The following UCKL1 variants were observed in gnomAD, a reference collection of about 807,000 sequenced individuals.
UCKL1 encodes the protein uridine-cytidine kinase-like 1.
Under a neutral mutation model 59.2 loss-of-function variants are expected in UCKL1, and 65 were observed. That is an observed-to-expected ratio of 1.10 (90% CI 0.90 to 1.35). The LOEUF (loss-of-function observed/expected upper bound fraction) is 1.35, where lower values mean the gene tolerates loss of function less well. Ranked by LOEUF, UCKL1 falls within the 40% of genes most tolerant of loss-of-function variation. The pLI, the probability that UCKL1 is intolerant of heterozygous loss-of-function variation, is 0.00. For synonymous variants in UCKL1, 410 were observed against 323.1 expected (o/e 1.27, Z -2.88); for missense variants, 703 against 784.3 (o/e 0.90, Z 1.24).
chr20:63,940,501 G>T lies in UCKL1; in HGVS notation c.1303-16C>A, dbSNP rs1205903611. The T allele has an allele frequency of 5.6e-6, 9 of 1,608,360 alleles. No individual in the cohort carries two copies. The highest frequency in any genetic ancestry group is 1.7e-5 in the Admixed American group (1 of 59,762). Reference sequence around the variant, plus strand: ...GGTAGTGGAGCTGCGGGCAGCAGGGGTCAGGCTGCAGGTGGGGCTCCCTGC... The same window carrying T: ...GGTAGTGGAGCTGCGGGCAGCAGGGTTCAGGCTGCAGGTGGGGCTCCCTGC... On this transcript the variant is annotated splice_polypyrimidine_tract_variant and intron_variant, in intron 12 of 14. Transcript: ENST00000354216.
intron 1 of UCKL1, chr20:63,950,772 C>T: frequency 6.5e-7 from 1 of 1,538,770 alleles, no homozygotes; most frequent in African/African-American, 1.4e-5. Flanking sequence ...CCTTCTGCTC[C>T]AAGGGCCCGG....
chr20:63,950,967 C>A (rs765059331), intron 1 of UCKL1: 20 of 1,306,208 alleles, frequency 1.5e-5, no homozygotes, highest in Admixed American at 3.8e-5. Context: ...GGAGCTCCGG[C>A]CACCTGAACT....
chr20:63,951,841 C>T (rs569191919), intron 1 of UCKL1, among the ~76,000 whole-genome samples: 6 of 152,286 alleles, frequency 3.9e-5, no homozygotes, highest in African/African-American at 7.2e-5. Flanking sequence ...CCCCACCCTC[C>T]GCAGAGTCAG....
At chr20:63,955,430 CG>C (rs2058428870) in intron 1 of UCKL1, 1 of 152,358 alleles carries the variant, frequency 6.6e-6, no homozygotes, top group South Asian at 2.1e-4. Context: ...GACCCTGTGC[CG>C]GGACACCCTT....
At chr20:63,953,870 G>A (rs2058102059) in intron 1 of UCKL1, 1 of 152,626 alleles carries the variant, frequency 6.6e-6, no homozygotes, top group Non-Finnish European at 1.5e-5. Flanking sequence ...CACACAGGGA[G>A]AAAGGAAGGC....
chr20:63,947,681 G>A (rs1019295272), intron 1 of UCKL1, among the ~76,000 whole-genome samples: 32 of 152,224 alleles, frequency 2.1e-4, no homozygotes, highest in Non-Finnish European at 8.8e-5. Context: ...CCCCTCCTGG[G>A]TCCCCAAGAC....
At position 63,940,470 on chromosome 20, in the gene UCKL1, G is replaced by A. The variant is rs2146341144; in HGVS notation, c.1318C>T (p.Leu440=). The change falls in exon 13 of 15, where the codon CTG becomes TTG. Residue 440 remains leucine, a synonymous_variant. Transcript: ENST00000354216. ...TGGTCATCGCTGATGTCCTTGGGCA[G>A]CCTCAGGTAGTGGAGCTGCGGGCAG... is the stretch of plus-strand genomic sequence containing the variant. The part of the protein sequence containing the change: ...TGEPELHYLR[L]PKDISDDHVI... 2.5e-6 allele frequency: 4 copies of A among 1,611,784 alleles called. No individual in the cohort carries two copies. Among genetic ancestry groups the A allele is most frequent in the Non-Finnish European group, 3.4e-6 (4 of 1,179,672 alleles).
chr20:63,943,264 G>C (rs1200491966), intron 8 of UCKL1, among the ~76,000 whole-genome samples: 2 of 152,210 alleles, frequency 1.3e-5, no homozygotes, highest in African/African-American at 4.8e-5. Flanking sequence ...CGTGAGGCTG[G>C]GCACAGGAGG....
At chr20:63,943,764 G>A in intron 7 of UCKL1, 95 bp from the exon 8 acceptor site, 2 of 1,575,152 alleles carry the variant, frequency 1.3e-6, no homozygotes, top group Non-Finnish European at 1.7e-6. Context: ...TGGACATGCT[G>A]CAGGCCCGCG....
intron 8 of UCKL1, among the ~76,000 whole-genome samples, chr20:63,942,953 C>T (rs2055042563): frequency 6.6e-6 from 1 of 152,182 alleles, no homozygotes. Flanking sequence ...ATTTGGCAAA[C>T]TCTTTGGAGG....
chr20:63,950,579 G>A (rs1200044051), intron 1 of UCKL1, among the ~76,000 whole-genome samples: 6 of 152,166 alleles, frequency 3.9e-5, no homozygotes, highest in Admixed American at 3.3e-4. Flanking sequence ...GACGCGCCCA[G>A]ACCAACAGCC....
intron 1 of UCKL1, among the ~76,000 whole-genome samples, chr20:63,947,920 G>A (rs1269342885): frequency 1.3e-5 from 2 of 152,246 alleles, no homozygotes; most frequent in African/African-American, 2.4e-5. Flanking sequence ...AGTGGGCAGG[G>A]GGCCGTGACT....
intron 1 of UCKL1, among the ~76,000 whole-genome samples, chr20:63,951,683 G>A (rs1362567911): frequency 6.6e-6 from 1 of 151,538 alleles, no homozygotes; most frequent in Non-Finnish European, 1.5e-5. Context: ...CCACCTCCCC[G>A]CCCAGGGCTC....
chr20:63,943,691 A>G, intron 7 of UCKL1, 22 bp from the exon 8 acceptor site: 1 of 1,612,552 alleles, frequency 6.2e-7, no homozygotes, highest in Non-Finnish European at 8.5e-7. Context: ...ACACAGGAAG[A>G]CACAAGGGAA....
chr20:63,950,342 C>A (rs2057388297), intron 1 of UCKL1, among the ~76,000 whole-genome samples: 1 of 152,160 alleles, frequency 6.6e-6, no homozygotes, highest in Non-Finnish European at 1.5e-5. Context: ...TTGGAGGCTG[C>A]AGTGGGAGGA....
At position 63,945,796 on chromosome 20, in the gene UCKL1, C is replaced by A. The variant is rs1218694799; in HGVS notation, c.582+9G>T. 2 of 1,613,394 alleles carry A rather than the reference C, an allele frequency of 1.2e-6. No individual in the cohort carries two copies. Among genetic ancestry groups the A allele is most frequent in the Non-Finnish European group, 1.7e-6 (2 of 1,179,972 alleles). On this transcript the variant is annotated intron_variant, in intron 4 of 14. Coordinates refer to ENST00000354216, the MANE Select transcript of UCKL1 (RefSeq NM_017859.4). ...CCCCCGAGGCCCCCTCTGCAGGGCCCTGGCCTACCCAGTCCTTCTTCCGGC... is the reference window on the plus strand; with the variant it reads ...CCCCCGAGGCCCCCTCTGCAGGGCCATGGCCTACCCAGTCCTTCTTCCGGC...
At chr20:63,955,309 A>T (rs1487328896) in intron 1 of UCKL1, 1 of 152,270 alleles carries the variant, frequency 6.6e-6, no homozygotes, top group Non-Finnish European at 1.5e-5. Context: ...AGGCCCTATT[A>T]GACTCCAGCC....
chr20:63,953,020 C>T (rs976817533), intron 1 of UCKL1, among the ~76,000 whole-genome samples: 3 of 151,806 alleles, frequency 2.0e-5, no homozygotes, highest in Non-Finnish European at 2.9e-5. Flanking sequence ...GAGGCCGAGG[C>T]GGGCGGATCA....
Position 63,956,350 on chromosome 20 carries a change from G to A in UCKL1, c.23C>T (p.Ala8Val). The A allele has an allele frequency of 1.9e-6, 3 of 1,542,036 alleles. No individual in the cohort carries two copies. Among genetic ancestry groups the A allele is most frequent in the Non-Finnish European group, 2.6e-6 (3 of 1,147,442 alleles). Residue 8 changes from alanine (A) to valine (V), a missense_variant, in exon 1 of 15, where the codon GCG (alanine) becomes GTG (valine). Transcript: ENST00000354216. MAAPPAR[A>V]DADPSPTSPP... The stretch of plus-strand genomic sequence containing the variant: ...CGACGTGGGCGAAGGATCAGCGTCC[G>A]CGCGGGCCGGGGGCGCAGCCATGGC...
Sources: gnomAD v4.1 joint callset for allele counts (sites outside exome capture counted in the v4.1 genomes callset) on GRCh38, gnomAD v4.1.1 for gene constraint, MANE v1.5 for transcripts, NCBI Gene and HGNC (gene_info 2026-07-23, HGNC 2026-07-21) for gene names.